Variants in ELF2 observed in about 807,000 individuals in gnomAD.
ELF2 encodes E74 like ETS transcription factor 2, also known as ETS-related transcription factor Elf-2.
Under a neutral mutation model 54.8 loss-of-function variants are expected in ELF2, and 11 were observed. That is an observed-to-expected ratio of 0.20 (90% CI 0.13 to 0.33). ELF2 has a LOEUF of 0.33. ELF2 is among the 10% of genes least tolerant of loss of function. The pLI, the probability that ELF2 is intolerant of heterozygous loss-of-function variation, is 1.00. For synonymous variants in ELF2, 203 were observed against 245.1 expected (o/e 0.83, Z 1.61); for missense variants, 513 against 703.0 (o/e 0.73, Z 3.06).
At chr4:139,084,373 C>G in intron 4 of ELF2, 1 of 1,459,492 alleles carries the variant, frequency 6.9e-7, no homozygotes, top group Non-Finnish European at 9.1e-7. Flanking sequence ...GAGGCCGGCC[C>G]GCCTCCCGCC....
chr4:139,157,701 G>C (rs1352082902), intron 1 of ELF2, among the ~76,000 whole-genome samples: 1 of 152,210 alleles, frequency 6.6e-6, no homozygotes, highest in African/African-American at 2.4e-5. Context: ...ACAGTACCCA[G>C]GGCTTTGGAG....
At chr4:139,086,131 A>G (rs1052808418) in intron 4 of ELF2, among the ~76,000 whole-genome samples, 2 of 152,168 alleles carry the variant, frequency 1.3e-5, no homozygotes, top group South Asian at 2.1e-4. Context: ...ATTTTTTTTA[A>G]TGTCAAAGGT....
At chr4:139,091,478 G>C (rs1732569294) in intron 4 of ELF2, among the ~76,000 whole-genome samples, 1 of 152,028 alleles carries the variant, frequency 6.6e-6, no homozygotes, top group Non-Finnish European at 1.5e-5. Context: ...CAAGAAAAAT[G>C]AAATAGAAAA....
intron 4 of ELF2, among the ~76,000 whole-genome samples, chr4:139,104,757 T>C (rs1026954165): frequency 5.9e-5 from 9 of 152,192 alleles, no homozygotes; most frequent in Non-Finnish European, 1.3e-4. Flanking sequence ...GAATACTTAA[T>C]TCCATTTGAC....
chr4:139,060,735 C>T, intron 8 of ELF2, 61 bp from the exon 9 acceptor site: 1 of 1,416,114 alleles, frequency 7.1e-7, no homozygotes. Flanking sequence ...CACTCCACCC[C>T]CGCCAAAAAG....
Position 139,114,561 on chromosome 4 carries a change from T to TCCAGTCTCACTCACACACA in ELF2, c.238+10602_238+10603insTGTGTGTGAGTGAGACTGG, listed in dbSNP as rs70940492. Among the ~76,000 whole-genome samples the TCCAGTCTCACTCACACACA allele has an allele frequency of 2.5e-4, 27 of 108,646 alleles. 1 individual carries two copies. Among genetic ancestry groups the TCCAGTCTCACTCACACACA allele is most frequent in the Admixed American group, 1.5e-3 (13 of 8,668 alleles). The allele number at this position is 108,646 out of a possible 152,430, so 71.3% of individuals were successfully genotyped here. ...CTGGCAACAGAGCGAGACTTCAGTC[T>TCCAGTCTCACTCACACACA]CACACACACACACACACACACACAC... is the stretch of plus-strand genomic sequence containing the variant. On this transcript the variant is annotated intron_variant, in intron 4 of 9. Coordinates refer to ENST00000686138, the MANE Select transcript of ELF2 (RefSeq NM_001331036.3).
chr4:139,147,302 C>G (rs1739316149), intron 1 of ELF2, among the ~76,000 whole-genome samples: 1 of 152,190 alleles, frequency 6.6e-6, no homozygotes, highest in South Asian at 2.1e-4. Context: ...TATCACTAAT[C>G]ATTCAGGGAA....
chr4:139,092,458 T>G (rs1250745317), intron 4 of ELF2, among the ~76,000 whole-genome samples: 5 of 148,278 alleles, frequency 3.4e-5, no homozygotes. Flanking sequence ...TAACATAACA[T>G]AACATAACAT....
chr4:139,076,956 T>G (rs1730394065), intron 4 of ELF2, among the ~76,000 whole-genome samples: 1 of 152,178 alleles, frequency 6.6e-6, no homozygotes, highest in Non-Finnish European at 1.5e-5. Flanking sequence ...ACTTTAAATT[T>G]ACGATGACAA....
intron 1 of ELF2, among the ~76,000 whole-genome samples, chr4:139,167,740 G>A (rs1039237193): frequency 1.3e-5 from 2 of 152,170 alleles, no homozygotes; most frequent in African/African-American, 4.8e-5. Flanking sequence ...TGAATTTTAA[G>A]GGACAAGTCT....
chr4:139,125,934 A>T (rs571623485), intron 3 of ELF2, among the ~76,000 whole-genome samples: 2 of 152,298 alleles, frequency 1.3e-5, no homozygotes, highest in East Asian at 3.9e-4. Flanking sequence ...TCAGCAGAAG[A>T]CAGGTTACTT....
chr4:139,061,838 T>C lies in ELF2; in HGVS notation c.806+27A>G, dbSNP rs772342483. Reference sequence around the variant, plus strand: ...TATAAAGAAATACATAAATTTTGTTTGAATACTAGCTCATTTGAGTTTTTA... The same window carrying C: ...TATAAAGAAATACATAAATTTTGTTCGAATACTAGCTCATTTGAGTTTTTA... On this transcript the variant is annotated intron_variant, in intron 8 of 9. Coordinates refer to ENST00000686138, the MANE Select transcript of ELF2 (RefSeq NM_001331036.3). The C allele has an allele frequency of 1.9e-6, 3 of 1,604,718 alleles. No homozygotes were observed. The African/African-American group carries it at 4.0e-5, about 22-fold the overall frequency.
intron 4 of ELF2, among the ~76,000 whole-genome samples, chr4:139,103,454 T>G (rs1370769998): frequency 6.6e-6 from 1 of 152,190 alleles, no homozygotes; most frequent in Non-Finnish European, 1.5e-5. Flanking sequence ...AGCCAATGAC[T>G]TAATCAATCA....
chr4:139,094,053 C>A (rs1476975268), intron 4 of ELF2, among the ~76,000 whole-genome samples: 2 of 152,034 alleles, frequency 1.3e-5, no homozygotes, highest in Non-Finnish European at 2.9e-5. Flanking sequence ...CATGTGCCAC[C>A]ATGCCTGGCT....
At chr4:139,088,834 C>T (rs974833724) in intron 4 of ELF2, among the ~76,000 whole-genome samples, 2 of 152,110 alleles carry the variant, frequency 1.3e-5, no homozygotes, top group East Asian at 3.8e-4. Flanking sequence ...TCTTGGCTCA[C>T]CGCAACCTGC....
chr4:139,176,321 T>C (rs1385648622), intron 1 of ELF2, among the ~76,000 whole-genome samples: 1 of 152,124 alleles, frequency 6.6e-6, no homozygotes, highest in Admixed American at 6.5e-5. Flanking sequence ...CAACCTGTCG[T>C]GCAAGCTAGC....
At chr4:139,074,759 CA>C (rs397957583) in intron 4 of ELF2, among the ~76,000 whole-genome samples, 37 of 92,650 alleles carry the variant, frequency 4.0e-4, no homozygotes, top group Non-Finnish European at 4.2e-4. Context: ...GACACTGTCT[CA>C]AAAAAAAAAA....
Position 139,137,691 on chromosome 4 carries a change from G to C in ELF2, c.11C>G (p.Ala4Gly), listed in dbSNP as rs1426941072. MTS[A>G]VVDSGGTILE... ...AATAGTACCTCCACTGTCAACCACTGCTGATGTCATTGTTATTCCCTGAGG... is the reference window on the plus strand; with the variant it reads ...AATAGTACCTCCACTGTCAACCACTCCTGATGTCATTGTTATTCCCTGAGG... Residue 4 changes from alanine to glycine, a missense_variant, in exon 3 of 10, where the codon GCA (alanine) becomes GGA (glycine). Physicochemically the swap from Ala to Gly is moderately conservative, Grantham distance 60 (BLOSUM62 0). This residue lies in a region of ELF2 where 203 missense variants were observed against 245.9 expected (regional missense o/e 0.83). Transcript: ENST00000686138. 1 of 1,613,968 alleles carries C rather than the reference G, an allele frequency of 6.2e-7. No individual in the cohort carries two copies. The highest frequency in any genetic ancestry group is 8.5e-7 in the Non-Finnish European group (1 of 1,179,986).
intron 1 of ELF2, among the ~76,000 whole-genome samples, chr4:139,144,070 A>G (rs1738976344): frequency 6.6e-6 from 1 of 152,118 alleles, no homozygotes; most frequent in South Asian, 2.1e-4. Flanking sequence ...TTTTCAAAGA[A>G]GCAATGCAGG....
Sources: allele counts gnomAD v4.1 joint callset (sites outside exome capture counted in the v4.1 genomes callset), GRCh38; gene constraint gnomAD v4.1.1; regional missense constraint gnomAD v4.1.1; transcripts MANE v1.5; gene names NCBI Gene and HGNC (gene_info 2026-07-23, HGNC 2026-07-21).